ZNF710: variants seen among roughly 807,000 people sequenced by gnomAD.
ZNF710 encodes zinc finger protein 710.
ZNF710 carries 13 observed loss-of-function variants against 50.6 expected under a neutral mutation model. The observed-to-expected ratio is 0.26, with a 90% CI of 0.17 to 0.41. The LOEUF is 0.41. Ranked by LOEUF, ZNF710 falls within the 10% of genes least tolerant of loss-of-function variation. The pLI, the probability that ZNF710 is intolerant of heterozygous loss-of-function variation, is 1.00. For synonymous variants in ZNF710, 383 were observed against 397.0 expected, an observed-to-expected ratio of 0.96 and a Z score of 0.42; for missense variants, 721 against 936.6, an observed-to-expected ratio of 0.77 and a Z score of 3.01.
upstream of ZNF710, among the ~76,000 whole-genome samples, chr15:89,999,259 C>A (rs985049839): frequency 6.6e-6 from 1 of 152,240 alleles, no homozygotes; most frequent in African/African-American, 2.4e-5. Flanking sequence ...AGGTTGCTGT[C>A]TTCTTTTCTT....
chr15:90,079,632 C>T, intron 4 of ZNF710, 28 bp from the exon 5 acceptor site: 2 of 1,602,408 alleles, frequency 1.2e-6, no homozygotes, highest in Non-Finnish European at 1.7e-6. Flanking sequence ...AGATGGCAGC[C>T]AGGTCTGACT....
chr15:90,044,225 G>C (rs1169004002), intron 1 of ZNF710, among the ~76,000 whole-genome samples: 2 of 152,230 alleles, frequency 1.3e-5, no homozygotes, highest in African/African-American at 4.8e-5. Flanking sequence ...GGTGACTGAA[G>C]GCGTGAGGTG....
intron 1 of ZNF710, among the ~76,000 whole-genome samples, chr15:90,041,608 C>CT (rs1368064494): frequency 3.9e-5 from 6 of 152,202 alleles, no homozygotes; most frequent in Admixed American, 2.0e-4. Flanking sequence ...TCCAGCCTCT[C>CT]TAAGTCTGCC....
chr15:90,022,006 A>G (rs1192406740), intron 1 of ZNF710, among the ~76,000 whole-genome samples: 3 of 149,044 alleles, frequency 2.0e-5, no homozygotes, highest in Admixed American at 2.0e-4. Context: ...CGCTTGAACC[A>G]GGGAGGCAGA....
At position 90,005,327 on chromosome 15, in the gene ZNF710, CTG is replaced by C. The variant is rs1014477464; in HGVS notation, c.-29+3716_-29+3717del. Among the ~76,000 whole-genome samples the C allele has an allele frequency of 5.3e-5, 8 of 152,130 alleles. 1 individual carries two copies. The highest frequency in any genetic ancestry group is 8.8e-5 in the Non-Finnish European group (6 of 68,022). ...GATTGATGGGAGCTGCAGAGTTGTG[CTG>C]TGAGTCATTGCTTCAAACAAGCTCC... is the stretch of plus-strand genomic sequence containing the variant. On this transcript the variant is annotated intron_variant, in intron 1 of 4. Transcript: ENST00000268154.
intron 1 of ZNF710, among the ~76,000 whole-genome samples, chr15:90,018,578 A>T (rs890618907): frequency 1.3e-5 from 2 of 152,108 alleles, no homozygotes; most frequent in Non-Finnish European, 2.9e-5. Context: ...TCACTGTCTA[A>T]AGAAACGGCC....
At chr15:90,030,954 G>C (rs1036909597) in intron 1 of ZNF710, among the ~76,000 whole-genome samples, 7 of 145,942 alleles carry the variant, frequency 4.8e-5, no homozygotes, top group Non-Finnish European at 1.0e-4. Flanking sequence ...GGGAGGCGGA[G>C]CTTGCAGTGA....
intron 1 of ZNF710, among the ~76,000 whole-genome samples, chr15:90,004,590 G>A (rs1898092639): frequency 6.6e-6 from 1 of 152,236 alleles, no homozygotes; most frequent in Non-Finnish European, 1.5e-5. Flanking sequence ...GCTGGAAGAA[G>A]GCCTTAGAGA....
chr15:90,065,677 C>G (rs907649661), intron 1 of ZNF710, among the ~76,000 whole-genome samples: 4 of 152,186 alleles, frequency 2.6e-5, no homozygotes, highest in Admixed American at 1.3e-4. Flanking sequence ...GGCTGGAGCC[C>G]CCAGCGAGGG....
At chr15:90,025,706 C>A in intron 1 of ZNF710, 1 of 152,152 alleles carries the variant, frequency 6.6e-6, no homozygotes, top group East Asian at 1.9e-4. Context: ...TACCAGTAAC[C>A]AACTGCAAAA....
At chr15:90,043,105 C>G (rs1357115329) in intron 1 of ZNF710, among the ~76,000 whole-genome samples, 1 of 152,244 alleles carries the variant, frequency 6.6e-6, no homozygotes, top group Non-Finnish European at 1.5e-5. Flanking sequence ...GCCCTTCACC[C>G]CACACCCCAC....
chr15:90,008,436 A>ACG (rs1300403351), intron 1 of ZNF710, among the ~76,000 whole-genome samples: 1 of 140,502 alleles, frequency 7.1e-6, no homozygotes, highest in Admixed American at 6.9e-5. Flanking sequence ...GTATATATAT[A>ACG]TATACATATA....
At chr15:90,076,963 G>A (rs977980047) in intron 4 of ZNF710, among the ~76,000 whole-genome samples, 4 of 152,088 alleles carry the variant, frequency 2.6e-5, no homozygotes, top group Admixed American at 6.6e-5. Context: ...AGAAGGAAGC[G>A]ATTGGCCCTG....
At chr15:90,014,890 A>AT (rs71151546) in intron 1 of ZNF710, among the ~76,000 whole-genome samples, 1,993 of 136,738 alleles carry the variant, frequency 0.015, 15 homozygotes, top group African/African-American at 0.019. Context: ...CATCAACTGA[A>AT]TTTTTTTTTT....
At chr15:90,045,799 G>A (rs1190751756) in intron 1 of ZNF710, among the ~76,000 whole-genome samples, 3 of 152,146 alleles carry the variant, frequency 2.0e-5, no homozygotes, top group African/African-American at 7.2e-5. Flanking sequence ...GGGTTGCAGC[G>A]GGCTGTGGTG....
In ZNF710 at chr15:90,074,138, G is replaced by A. The variant is rs138036907; in HGVS notation, c.1673G>A (p.Arg558His). The A allele has an allele frequency of 5.0e-6, 8 of 1,613,136 alleles. No homozygotes were observed. Among genetic ancestry groups the A allele is most frequent in the East Asian group, 4.5e-5 (2 of 44,894 alleles). The stretch of plus-strand genomic sequence containing the variant: ...TAGGTGTGCGGGAAGTCCTTCAACC[G>A]CATGTACAACCTGCTGGGCCACATG... ...KCKVCGKSFN[R>H]MYNLLGHMHL... The change falls in exon 4 of 5, where the codon CGC (arginine) becomes CAC (histidine). Residue 558 changes from arginine to histidine, a missense_variant. Arg to His is a conservative substitution (Grantham distance 29). Coordinates refer to ENST00000268154, the MANE Select transcript of ZNF710 (RefSeq NM_198526.4).
intron 1 of ZNF710, among the ~76,000 whole-genome samples, chr15:90,033,876 A>G (rs1899023382): frequency 6.6e-6 from 1 of 152,142 alleles, no homozygotes; most frequent in South Asian, 2.1e-4. Flanking sequence ...AGCTTGGCCC[A>G]CTGACTTTCT....
In ZNF710 at chr15:90,001,452, G is replaced by A. The variant is rs1898007624; in HGVS notation, c.-191G>A. 6.6e-6 allele frequency: 1 copy of A among 152,198 alleles called. No homozygotes were observed. Among genetic ancestry groups the A allele is most frequent in the South Asian group, 2.0e-4 (1 of 5,080 alleles). The allele number at this position is 152,198 out of a possible 1,614,324, so 9.4% of individuals were successfully genotyped here. On this transcript the variant is annotated 5_prime_UTR_variant, in exon 1 of 5. Coordinates refer to ENST00000268154, the MANE Select transcript of ZNF710 (RefSeq NM_198526.4). The stretch of plus-strand genomic sequence containing the variant: ...CGAGAGGAGGGGGGAGAGAGAGAAA[G>A]AGAGGAGCCGGAGGGAGGGCGGCAG...
intron 1 of ZNF710, among the ~76,000 whole-genome samples, chr15:90,047,877 G>A (rs1006078497): frequency 6.6e-6 from 1 of 152,162 alleles, no homozygotes; most frequent in African/African-American, 2.4e-5. Context: ...ATGAGCCACT[G>A]CACCCAGCCA....
Sources: allele counts gnomAD v4.1 joint callset (sites outside exome capture counted in the v4.1 genomes callset), GRCh38; gene constraint gnomAD v4.1.1; transcripts MANE v1.5; gene names NCBI Gene and HGNC (gene_info 2026-07-23, HGNC 2026-07-21).